CERS6: variants seen among roughly 807,000 people sequenced by gnomAD.
CERS6 encodes ceramide synthase 6.
A neutral mutation model predicts 56.8 loss-of-function variants in CERS6; 26 were observed. That is an observed-to-expected ratio of 0.46 (90% CI 0.34 to 0.63). The LOEUF is 0.63. Among genes scored for constraint, CERS6 ranks in the 30% least tolerant of loss-of-function variants. CERS6 has a pLI of 0.01. For missense variants in CERS6, 415 were observed against 467.5 expected (o/e 0.89, Z 1.04); for synonymous variants, 164 against 173.3 (o/e 0.95, Z 0.42).
intron 1 of CERS6, among the ~76,000 whole-genome samples, chr2:168,477,216 A>AGAGAGT (rs1553483345): frequency 4.7e-5 from 6 of 128,300 alleles, no homozygotes; most frequent in African/African-American, 1.5e-4. Context: ...AGAGAGAGAG[A>AGAGAGT]GAGTCTCATA....
In CERS6 at chr2:168,559,733, T is replaced by TTATGTATATATATA; in HGVS notation, c.277-1459_277-1458insTATGTATATATATA. ...TGCTTGAGCTGCTTTTAGAAAGGTA[T>TTATGTATATATATA]CATATATATATATATATATATTTCA... is the stretch of plus-strand genomic sequence containing the variant. On this transcript the variant is annotated intron_variant, in intron 2 of 9. Transcript: ENST00000305747. Among the ~76,000 whole-genome samples the TTATGTATATATATA allele has an allele frequency of 3.0e-5, 2 of 66,288 alleles. 1 individual carries two copies. The highest frequency in any genetic ancestry group is 1.4e-3 in the South Asian group (2 of 1,408). 43.5% of individuals were successfully genotyped at this position (66,288 alleles called of 152,430 possible).
At chr2:168,551,166 C>T (rs4293538) in intron 2 of CERS6, among the ~76,000 whole-genome samples, 43,750 of 152,052 alleles carry the variant, frequency 0.29, 7,558 homozygotes, top group East Asian at 0.52. Flanking sequence ...CCCTGTGTGA[C>T]AGCACAGGTC....
intron 8 of CERS6, among the ~76,000 whole-genome samples, chr2:168,749,039 G>A (rs1206693733): frequency 6.8e-6 from 1 of 147,470 alleles, no homozygotes; most frequent in Non-Finnish European, 1.5e-5. Flanking sequence ...CAAGGTTTGA[G>A]GTATTGTACC....
At chr2:168,496,528 C>T (rs1476228564) in intron 1 of CERS6, among the ~76,000 whole-genome samples, 1 of 152,138 alleles carries the variant, frequency 6.6e-6, no homozygotes, top group African/African-American at 2.4e-5. Context: ...ATCACCAGCA[C>T]CTGGGACACC....
At chr2:168,616,308 C>A (rs756694140) in intron 3 of CERS6, among the ~76,000 whole-genome samples, 7 of 151,618 alleles carry the variant, frequency 4.6e-5, no homozygotes, top group Non-Finnish European at 8.8e-5. Flanking sequence ...AACAAAAATA[C>A]AATTTAGGAA....
intron 8 of CERS6, among the ~76,000 whole-genome samples, chr2:168,725,736 G>A (rs1313163873): frequency 6.6e-6 from 1 of 152,154 alleles, no homozygotes; most frequent in South Asian, 2.1e-4. Context: ...ATTATCAAAC[G>A]CAATCACTGG....
chr2:168,597,583 T>C (rs1683831533), intron 3 of CERS6, among the ~76,000 whole-genome samples: 1 of 152,176 alleles, frequency 6.6e-6, no homozygotes, highest in East Asian at 1.9e-4. Flanking sequence ...AATTCCCAGA[T>C]AACCATAGAT....
chr2:168,565,727 C>T (rs1054467309), intron 3 of CERS6, among the ~76,000 whole-genome samples: 1 of 152,186 alleles, frequency 6.6e-6, no homozygotes, highest in African/African-American at 2.4e-5. Flanking sequence ...AATACATTGA[C>T]ATGATTTTTT....
chr2:168,632,543 A>G (rs114976567), intron 4 of CERS6, among the ~76,000 whole-genome samples: 322 of 152,318 alleles, frequency 2.1e-3, no homozygotes, highest in Non-Finnish European at 3.6e-3. Context: ...GAATCGATTT[A>G]GAAGGATGAG....
At chr2:168,624,152 G>A (rs767289055) in intron 3 of CERS6, among the ~76,000 whole-genome samples, 31 of 152,092 alleles carry the variant, frequency 2.0e-4, no homozygotes, top group Non-Finnish European at 4.4e-4. Flanking sequence ...CATGACACCA[G>A]CTCTGAATAG....
chr2:168,748,950 C>T lies in CERS6; in HGVS notation c.846-16642C>T, dbSNP rs373982893. ...ATCTCTTGTGTCCTTTCTGTCTGCC[C>T]TTTTCCCACCCCCTGATTCCTGCCT... is the stretch of plus-strand genomic sequence containing the variant. On this transcript the variant is annotated intron_variant, in intron 8 of 9. Coordinates refer to ENST00000305747, the MANE Select transcript of CERS6 (RefSeq NM_203463.3). Among the ~76,000 whole-genome samples the T allele has an allele frequency of 7.1e-4, 108 of 152,004 alleles. No individual in the cohort carries two copies. In the Middle Eastern group the frequency reaches 0.01, roughly 14 times the overall value.
intron 3 of CERS6, among the ~76,000 whole-genome samples, chr2:168,587,686 T>C (rs1683575976): frequency 6.6e-6 from 1 of 152,082 alleles, no homozygotes. Context: ...AGGCATGTGG[T>C]ATACAGGCAA....
intron 8 of CERS6, among the ~76,000 whole-genome samples, chr2:168,725,078 C>T (rs952090510): frequency 2.0e-5 from 3 of 152,236 alleles, no homozygotes; most frequent in South Asian, 4.1e-4. Flanking sequence ...AGAAATCGAG[C>T]GCAGCGCCAG....
rs1693669283 is a variant in CERS6 at position 168,456,737 on chromosome 2, C to G, written c.170+119C>G. The G allele has an allele frequency of 1.0e-6, 1 of 954,022 alleles. No homozygotes were observed. Among genetic ancestry groups the G allele is most frequent in the South Asian group, 1.6e-5 (1 of 63,092 alleles). The allele number at this position is 954,022 out of a possible 1,614,324, so 59.1% of individuals were successfully genotyped here. On this transcript the variant is annotated intron_variant, in intron 1 of 9. Transcript: ENST00000305747. The surrounding 1 kb of genome is among the most constrained non-coding windows in gnomAD (Gnocchi z 4.1). ...AACGCTCGCGTTCACGCCTCCCAAC[C>G]TTTGTGTTCGGGGAGGGGTTGCTGA...
intron 8 of CERS6, among the ~76,000 whole-genome samples, chr2:168,747,782 C>T (rs527714048): frequency 6.6e-6 from 1 of 152,140 alleles, no homozygotes; most frequent in South Asian, 2.1e-4. Flanking sequence ...CCCCCAGTTG[C>T]ACTCACCGTT....
At chr2:168,548,697 G>T (rs1426260335) in intron 2 of CERS6, among the ~76,000 whole-genome samples, 1 of 152,016 alleles carries the variant, frequency 6.6e-6, no homozygotes, top group African/African-American at 2.4e-5. Context: ...TAGCTATCTC[G>T]TCTTACAACT....
At chr2:168,473,035 A>T (rs1243750127) in intron 1 of CERS6, among the ~76,000 whole-genome samples, 1 of 151,720 alleles carries the variant, frequency 6.6e-6, no homozygotes, top group Non-Finnish European at 1.5e-5. Flanking sequence ...TTTCATCTCA[A>T]TTTTTCTTAT....
chr2:168,648,106 A>G (rs1268783014), intron 4 of CERS6, among the ~76,000 whole-genome samples: 2 of 152,024 alleles, frequency 1.3e-5, no homozygotes, highest in Non-Finnish European at 2.9e-5. Flanking sequence ...TCTTCTTTGT[A>G]ATCTGGTAGA....
chr2:168,563,243 A>T (rs978633727), intron 3 of CERS6, among the ~76,000 whole-genome samples: 2 of 152,190 alleles, frequency 1.3e-5, no homozygotes. Context: ...AAGTACTAAC[A>T]TTAGAGCAGT....
Sources: allele counts gnomAD v4.1 joint callset (sites outside exome capture counted in the v4.1 genomes callset), GRCh38; gene constraint gnomAD v4.1.1; non-coding constraint Gnocchi (gnomAD v3.1); transcripts MANE v1.5; gene names NCBI Gene and HGNC (gene_info 2026-07-23, HGNC 2026-07-21).